Variants in CLUL1 observed in about 807,000 individuals in gnomAD.
CLUL1 encodes clusterin like 1, also known as clusterin-like protein 1.
Under a neutral mutation model 49.4 loss-of-function variants are expected in CLUL1, and 43 were observed. The ratio of observed to expected loss-of-function variants is 0.87; its 90% CI spans 0.68 to 1.12. CLUL1 has a LOEUF of 1.12. Ranked by LOEUF, CLUL1 falls within the 50% of genes most tolerant of loss-of-function variation. CLUL1 has a pLI of 0.00. For missense variants in CLUL1, 486 were observed against 544.4 expected (o/e 0.89, Z 1.07); for synonymous variants, 192 against 184.9 (o/e 1.04, Z -0.31).
In CLUL1 at chr18:642,260, G is replaced by A. The variant is rs529057075; in HGVS notation, c.1209+719G>A. Among the ~76,000 whole-genome samples the A allele has an allele frequency of 1.3e-4, 20 of 152,036 alleles. No homozygotes were observed. In the South Asian group the frequency reaches 1.5e-3, roughly 11 times the overall value. On this transcript the variant is annotated intron_variant, in intron 8 of 9. Transcript: ENST00000692774. The stretch of plus-strand genomic sequence containing the variant: ...AGCCTGGCTAATGTGGCGAAACCCC[G>A]TCTCTACCAAAAACATAAAAAATTA...
At chr18:616,659 G>C (rs1416613555) in intron 2 of CLUL1, 2 of 850,028 alleles carry the variant, frequency 2.4e-6, no homozygotes, top group East Asian at 2.4e-4. Flanking sequence ...CAAACTGATA[G>C]GACACAGCTA....
intron 6 of CLUL1, among the ~76,000 whole-genome samples, chr18:632,564 A>G (rs2074021117): frequency 6.6e-6 from 1 of 152,190 alleles, no homozygotes; most frequent in African/African-American, 2.4e-5. Flanking sequence ...TCCTATTGAC[A>G]TCAGAAATAC....
intron 5 of CLUL1, among the ~76,000 whole-genome samples, chr18:625,724 C>A (rs1198035876): frequency 3.3e-5 from 5 of 152,104 alleles, no homozygotes; most frequent in Non-Finnish European, 5.9e-5. Flanking sequence ...TTTTTCTCCC[C>A]CTTCAAGAAG....
chr18:611,721 G>C (rs1598412928), intron 2 of CLUL1, among the ~76,000 whole-genome samples: 1 of 152,164 alleles, frequency 6.6e-6, no homozygotes, highest in African/African-American at 2.4e-5. Flanking sequence ...AAAATCAGTT[G>C]CTCATCCAAT....
At chr18:645,806 AAAAAATATATATAT>A (rs1289597922) in intron 9 of CLUL1, among the ~76,000 whole-genome samples, 1 of 51,840 alleles carries the variant, frequency 1.9e-5, no homozygotes, top group African/African-American at 8.4e-5. Flanking sequence ...AAAAAAAAAA[AAAAAATATATATAT>A]ATATATATAT....
chr18:626,065 T>C (rs995511023), intron 5 of CLUL1, among the ~76,000 whole-genome samples: 3 of 152,178 alleles, frequency 2.0e-5, no homozygotes, highest in East Asian at 3.8e-4. Context: ...AAGAGTCAAG[T>C]AAACAGAAGC....
intron 7 of CLUL1, among the ~76,000 whole-genome samples, chr18:637,101 C>T (rs1398203779): frequency 6.6e-6 from 1 of 152,080 alleles, no homozygotes; most frequent in Non-Finnish European, 1.5e-5. Context: ...ATTCTCCTGC[C>T]TCAGCCTCCT....
At chr18:634,958 C>T (rs1236012329) in intron 7 of CLUL1, among the ~76,000 whole-genome samples, 3 of 152,010 alleles carry the variant, frequency 2.0e-5, no homozygotes, top group African/African-American at 7.3e-5. Flanking sequence ...TCACTAAAGC[C>T]CTAAGGGAAG....
chr18:620,304 G>C (rs1323329264), intron 4 of CLUL1, among the ~76,000 whole-genome samples: 3 of 151,630 alleles, frequency 2.0e-5, no homozygotes, highest in Non-Finnish European at 4.4e-5. Context: ...TCAAGTGTCA[G>C]CTCTGCCATT....
chr18:618,289 A>C lies in CLUL1; in HGVS notation c.106+183A>C, dbSNP rs1259393001. Among the ~76,000 whole-genome samples the C allele has an allele frequency of 6.6e-6, 1 of 152,062 alleles. No individual in the cohort carries two copies. Among genetic ancestry groups the C allele is most frequent in the Non-Finnish European group, 1.5e-5 (1 of 68,002 alleles). On this transcript the variant is annotated intron_variant, in intron 3 of 9. Coordinates refer to ENST00000692774, the MANE Select transcript of CLUL1 (RefSeq NM_001393344.1). This position sits in a 1 kb window ranked among gnomAD's most constrained non-coding sequence, Gnocchi z 4.2. ...TGGGTAAAAATAGAAAATTCCAATC[A>C]CGTCTCTGCAGGCGTTCACCTTTCC...
Position 607,047 on chromosome 18 carries a change from C to T in CLUL1, c.-66C>T, listed in dbSNP as rs1372393051. The T allele has an allele frequency of 1.4e-5, 10 of 701,458 alleles. No homozygotes were observed. The highest frequency in any genetic ancestry group is 2.6e-5 in the Non-Finnish European group (10 of 384,574). 43.5% of individuals were successfully genotyped at this position (701,458 alleles called of 1,614,324 possible). On this transcript the variant is annotated 5_prime_UTR_variant, in exon 2 of 10. Transcript: ENST00000692774. ...TCATAGCTCACTGAAGCCTCAAATT[C>T]CTGGGTTCAAGTGACCCTCCTACCT...
chr18:646,994 A>G (rs926020797), intron 9 of CLUL1, among the ~76,000 whole-genome samples: 7 of 151,568 alleles, frequency 4.6e-5, no homozygotes, highest in African/African-American at 1.2e-4. Context: ...CAAGTAATCC[A>G]CCCACCTTGG....
At chr18:612,923 AT>A (rs772967323) in intron 2 of CLUL1, 2 of 186,346 alleles carry the variant, frequency 1.1e-5, no homozygotes, top group Middle Eastern at 2.3e-3. Flanking sequence ...TAAAATGGAA[AT>A]TTTAAATGTA....
intron 6 of CLUL1, among the ~76,000 whole-genome samples, chr18:630,672 C>CTTTTTTTTTTTTTTTTTTTTTTTTT (rs36222515): frequency 1.6e-5 from 1 of 61,998 alleles, no homozygotes; most frequent in African/African-American, 7.2e-5. Flanking sequence ...CTACTGACAT[C>CTTTTTTTTTTTTTTTTTTTTTTTTT]TTTTTTTTTT....
chr18:645,368 G>A (rs1424664042), intron 9 of CLUL1: 9 of 282,322 alleles, frequency 3.2e-5, no homozygotes, highest in Non-Finnish European at 5.2e-5. Context: ...AAAGCTATTT[G>A]ATTATGCATA....
At chr18:600,727 A>G (rs1426845008) in intron 1 of CLUL1, among the ~76,000 whole-genome samples, 1 of 152,218 alleles carries the variant, frequency 6.6e-6, no homozygotes, top group African/African-American at 2.4e-5. Context: ...GGACTTCTTA[A>G]TTGGATAATC....
intron 4 of CLUL1, among the ~76,000 whole-genome samples, chr18:624,320 C>A (rs1289718772): frequency 6.6e-6 from 1 of 151,864 alleles, no homozygotes; most frequent in African/African-American, 2.4e-5. Context: ...GCAGAGATGC[C>A]ATCCTGCGTC....
chr18:627,642 A>T, intron 6 of CLUL1, 113 bp downstream of exon 6: 2 of 710,296 alleles, frequency 2.8e-6, no homozygotes, highest in Non-Finnish European at 4.6e-6. Flanking sequence ...TCTTGAAGAG[A>T]CAATTTATGG....
chr18:602,947 G>A (rs2072873263), intron 1 of CLUL1, among the ~76,000 whole-genome samples: 1 of 152,180 alleles, frequency 6.6e-6, no homozygotes, highest in Non-Finnish European at 1.5e-5. Context: ...GGGTGGGGAA[G>A]GTCTTGCAGG....
Sources: allele counts gnomAD v4.1 joint callset (sites outside exome capture counted in the v4.1 genomes callset), GRCh38; gene constraint gnomAD v4.1.1; non-coding constraint Gnocchi (gnomAD v3.1); transcripts MANE v1.5; gene names NCBI Gene and HGNC (gene_info 2026-07-23, HGNC 2026-07-21).